Variants in TXNDC16 observed in about 807,000 individuals in gnomAD.
TXNDC16 encodes the protein thioredoxin domain containing 16, also known as thioredoxin domain-containing protein 16.
Under a neutral mutation model 85.6 loss-of-function variants are expected in TXNDC16, and 74 were observed. That is an observed-to-expected ratio of 0.86 (90% CI 0.72 to 1.05). The LOEUF is 1.05. Among genes scored for constraint, TXNDC16 ranks in the 50% least tolerant of loss-of-function variants. TXNDC16 has a pLI of 0.00. For synonymous variants in TXNDC16, 335 were observed against 326.5 expected (o/e 1.03, Z -0.28); for missense variants, 959 against 947.0 (o/e 1.01, Z -0.17).
At chr14:52,434,649 A>G (rs934497060) in intron 20 of TXNDC16, among the ~76,000 whole-genome samples, 5 of 152,212 alleles carry the variant, frequency 3.3e-5, no homozygotes, top group Admixed American at 1.3e-4. Flanking sequence ...CAGTGGCACC[A>G]TGTTACTGAG....
At chr14:52,535,137 C>G (rs1313277187) in intron 6 of TXNDC16, among the ~76,000 whole-genome samples, 1 of 152,164 alleles carries the variant, frequency 6.6e-6, no homozygotes, top group Non-Finnish European at 1.5e-5. Context: ...ATTTCTGGGT[C>G]AAAGATAGTC....
chr14:52,455,558 T>C (rs759794506), intron 17 of TXNDC16, 96 bp from the exon 18 acceptor site: 4 of 1,412,860 alleles, frequency 2.8e-6, no homozygotes, highest in Non-Finnish European at 3.9e-6. Context: ...AGGCAGCAAA[T>C]GGGAATTCCT....
rs1398545774 is a variant in TXNDC16, at chr14:52,484,013, A to G, written c.1109-1048T>C. ...GAGCAAAGGCACAGTGGCATGTAAG[A>G]GCATGGTGCAATCAGAAGTTCAAAC... is the stretch of plus-strand genomic sequence containing the variant. On this transcript the variant is annotated intron_variant, in intron 12 of 20. Transcript: ENST00000281741. Among the ~76,000 whole-genome samples, 3 of 152,188 alleles carry G rather than the reference A, an allele frequency of 2.0e-5. No individual in the cohort carries two copies. In the South Asian group the frequency reaches 6.2e-4, roughly 32 times the overall value.
At chr14:52,483,479 GA>G (rs2036195984) in intron 12 of TXNDC16, among the ~76,000 whole-genome samples, 1 of 152,198 alleles carries the variant, frequency 6.6e-6, no homozygotes, top group South Asian at 2.1e-4. Context: ...ATCAAGAAAA[GA>G]ATGTTTTAGA....
chr14:52,442,168 C>T (rs1441678393), intron 18 of TXNDC16, among the ~76,000 whole-genome samples: 1 of 152,188 alleles, frequency 6.6e-6, no homozygotes, highest in Non-Finnish European at 1.5e-5. Flanking sequence ...AACAACAATG[C>T]TAATATATTT....
chr14:52,489,714 A>AT (rs1175338421), intron 11 of TXNDC16, among the ~76,000 whole-genome samples: 1 of 152,206 alleles, frequency 6.6e-6, no homozygotes, highest in Non-Finnish European at 1.5e-5. Context: ...CACCATACAG[A>AT]TTAAGATACA....
At chr14:52,509,006 G>T (rs2036887811) in intron 9 of TXNDC16, among the ~76,000 whole-genome samples, 1 of 152,002 alleles carries the variant, frequency 6.6e-6, no homozygotes, top group Admixed American at 6.5e-5. Context: ...GTATATATAT[G>T]TAACAAACCT....
At chr14:52,536,839 T>C (rs749460122) in intron 5 of TXNDC16, 46 bp from the exon 6 acceptor site, 3 of 1,457,908 alleles carry the variant, frequency 2.1e-6, no homozygotes, top group East Asian at 2.5e-5. Flanking sequence ...ATACAAAAAA[T>C]ATTTCCTTAG....
chr14:52,489,890 G>A (rs949004653), intron 11 of TXNDC16, among the ~76,000 whole-genome samples: 1 of 152,134 alleles, frequency 6.6e-6, no homozygotes, highest in Non-Finnish European at 1.5e-5. Context: ...GGGTGGACGT[G>A]CAGTGGCACA....
chr14:52,469,978 TA>T, intron 16 of TXNDC16, 58 bp downstream of exon 16: 1 of 1,430,660 alleles, frequency 7.0e-7, no homozygotes, highest in Non-Finnish European at 9.3e-7. Context: ...TCTTAAAAAA[TA>T]AAACTAGCAA....
intron 9 of TXNDC16, among the ~76,000 whole-genome samples, chr14:52,495,476 A>C (rs536644891): frequency 7.2e-5 from 11 of 152,310 alleles, no homozygotes; most frequent in African/African-American, 2.6e-4. Flanking sequence ...TCTGTTGGTC[A>C]AGACAGTTAC....
At position 52,440,686 on chromosome 14, in the gene TXNDC16, T is replaced by C. The variant is rs958971564; in HGVS notation, c.1881A>G (p.Arg627=). The change falls in exon 19 of 21, where the codon AGA becomes AGG. Residue 627 remains arginine, a synonymous_variant. Coordinates refer to ENST00000281741, the MANE Select transcript of TXNDC16 (RefSeq NM_020784.3). ...ACAAAATCAATAATGGTTTCTGAAG[T>C]CTGAAATAACTGGGAAGATTTTCCA... The part of the protein sequence containing the change: ...ITVENLPSYF[R]LQKPLLILFS... 3.7e-6 allele frequency: 6 copies of C among 1,607,644 alleles called. No individual in the cohort carries two copies. In the Admixed American group the frequency reaches 6.9e-5, roughly 18 times the overall value.
At chr14:52,533,425 A>T (rs562311368) in intron 6 of TXNDC16, among the ~76,000 whole-genome samples, 1 of 152,302 alleles carries the variant, frequency 6.6e-6, no homozygotes, top group East Asian at 1.9e-4. Flanking sequence ...AGATTATACA[A>T]CGGTCACAGA....
chr14:52,493,618 G>C (rs1308180762), intron 9 of TXNDC16, among the ~76,000 whole-genome samples: 1 of 152,076 alleles, frequency 6.6e-6, no homozygotes, highest in Non-Finnish European at 1.5e-5. Flanking sequence ...CACAGAAAAA[G>C]AGAAGGGAGA....
chr14:52,437,197 C>T lies in TXNDC16; in HGVS notation c.2194+2007G>A, dbSNP rs141490669. On this transcript the variant is annotated intron_variant, in intron 20 of 20. Transcript: ENST00000281741. ...ATAAGCCAGGATAATAGATTCTGGGCCAAGATCTATTTTCTTGTGGTTCAA... is the reference window on the plus strand; with the variant it reads ...ATAAGCCAGGATAATAGATTCTGGGTCAAGATCTATTTTCTTGTGGTTCAA... Among the ~76,000 whole-genome samples, 811 of 151,952 alleles carry T rather than the reference C, an allele frequency of 5.3e-3. 21 individuals carry two copies. The highest frequency in any genetic ancestry group is 3.1e-3 in the East Asian group (16 of 5,174).
chr14:52,443,830 T>G (rs1875357750), intron 18 of TXNDC16, among the ~76,000 whole-genome samples: 1 of 152,180 alleles, frequency 6.6e-6, no homozygotes, highest in African/African-American at 2.4e-5. Context: ...ACCCTACTCT[T>G]TCCTATGTCT....
chr14:52,465,054 G>A (rs1448745804), intron 16 of TXNDC16, among the ~76,000 whole-genome samples: 14 of 152,120 alleles, frequency 9.2e-5, no homozygotes, highest in South Asian at 2.1e-4. Context: ...AGTTCCTTTC[G>A]TTTTTACTTT....
intron 9 of TXNDC16, among the ~76,000 whole-genome samples, chr14:52,496,900 T>A (rs188019907): frequency 0.086 from 13,081 of 152,040 alleles, 615 homozygotes; most frequent in East Asian, 0.14. Flanking sequence ...CGGGAACCAC[T>A]GCACGCACCC....
intron 4 of TXNDC16, among the ~76,000 whole-genome samples, chr14:52,539,324 G>A (rs1312538836): frequency 6.6e-6 from 1 of 152,106 alleles, no homozygotes; most frequent in Non-Finnish European, 1.5e-5. Context: ...TAAGAGATGA[G>A]TTCTAAGCAG....
Sources: allele counts gnomAD v4.1 joint callset (sites outside exome capture counted in the v4.1 genomes callset), GRCh38; gene constraint gnomAD v4.1.1; transcripts MANE v1.5; gene names NCBI Gene and HGNC (gene_info 2026-07-23, HGNC 2026-07-21).